The following ANKDD1A variants were observed in gnomAD, a reference collection of about 807,000 sequenced individuals.
The protein encoded by ANKDD1A is ankyrin repeat and death domain-containing protein 1A.
ANKDD1A carries 59 observed loss-of-function variants against 63.5 expected under a neutral mutation model. The observed-to-expected ratio is 0.93, with a 90% CI of 0.75 to 1.15. The LOEUF is 1.15. Ranked by LOEUF, ANKDD1A falls within the 50% of genes most tolerant of loss-of-function variation. The pLI is 0.00. For missense variants in ANKDD1A, 632 were observed against 656.4 expected (o/e 0.96, Z 0.41); for synonymous variants, 266 against 263.9 (o/e 1.01, Z -0.08).
At chr15:64,918,007 A>G (rs934220432) in intron 3 of ANKDD1A, among the ~76,000 whole-genome samples, 4 of 152,262 alleles carry the variant, frequency 2.6e-5, no homozygotes, top group Non-Finnish European at 5.9e-5. Flanking sequence ...AGGTTTGGGA[A>G]AAAGGCTGAA....
rs187805052 is a variant in ANKDD1A at position 64,920,853 on chromosome 15, A to G, written c.268-1068A>G. 1.9e-3 allele frequency among the ~76,000 whole-genome samples: 296 copies of G among 151,900 alleles called. 3 individuals carry two copies. Among genetic ancestry groups the G allele is most frequent in the African/African-American group, 6.7e-3 (278 of 41,390 alleles). ...GCATGAGCCACCATTCCCAGCCTCT[A>G]TGGGAGATTTAAACAGTCCATTCTT... On this transcript the variant is annotated intron_variant, in intron 3 of 14. Transcript: ENST00000319580.
chr15:64,938,069 G>A (rs1268109311), intron 9 of ANKDD1A, among the ~76,000 whole-genome samples: 1 of 152,052 alleles, frequency 6.6e-6, no homozygotes, highest in African/African-American at 2.4e-5. Context: ...AAGTAGTATT[G>A]GATTGTAATC....
rs1464597468 is a variant in ANKDD1A, at chr15:64,927,000, G to A, written c.570+1G>A. ...CTGTGACCACAATGTCAAAGACAAG[G>A]TACCGTGTCCGTGAGGCTCTGGGAT... On this transcript the variant is annotated splice_donor_variant, in intron 6 of 14. Coordinates refer to ENST00000319580, the MANE Select transcript of ANKDD1A (RefSeq NM_182703.6). LOFTEE classifies it high-confidence loss of function. 2.5e-6 allele frequency: 4 copies of A among 1,614,138 alleles called. No homozygotes were observed. The highest frequency in any genetic ancestry group is 2.5e-6 in the Non-Finnish European group (3 of 1,179,984).
intron 2 of ANKDD1A, 24 bp from the exon 3 acceptor site, chr15:64,917,362 C>T (rs773892419): frequency 6.3e-7 from 1 of 1,587,068 alleles, no homozygotes; most frequent in Non-Finnish European, 8.6e-7. Context: ...CAGCACCTGA[C>T]AAGTGTCATC....
chr15:64,918,301 G>A (rs2084984708), intron 3 of ANKDD1A, among the ~76,000 whole-genome samples: 2 of 152,294 alleles, frequency 1.3e-5, no homozygotes, highest in South Asian at 4.2e-4. Context: ...TCCCTGCAGC[G>A]ACTTAGTTGT....
intron 14 of ANKDD1A, among the ~76,000 whole-genome samples, chr15:64,954,852 T>C (rs1487348361): frequency 2.3e-4 from 19 of 84,132 alleles, no homozygotes; most frequent in African/African-American, 7.0e-4. Flanking sequence ...TCTTCCTTCT[T>C]CTTCTTTCTT....
chr15:64,955,891 A>G (rs1219181416), intron 14 of ANKDD1A, among the ~76,000 whole-genome samples: 1 of 152,236 alleles, frequency 6.6e-6, no homozygotes, highest in Non-Finnish European at 1.5e-5. Flanking sequence ...TTTCCTACAT[A>G]TAAACCTGTA....
At position 64,958,242 on chromosome 15, in the gene ANKDD1A, G is replaced by A. The variant is rs1566920482; in HGVS notation, c.*1054G>A. ...GTTCTGTATGACACTGTGATGGTGG[G>A]TACATGACATTGGGCATTGGTCAAA... On this transcript the variant is annotated 3_prime_UTR_variant, in exon 15 of 15. Coordinates refer to ENST00000319580, the MANE Select transcript of ANKDD1A (RefSeq NM_182703.6). 3 of 152,338 alleles carry A rather than the reference G, an allele frequency of 2.0e-5. No individual in the cohort carries two copies. Among genetic ancestry groups the A allele is most frequent in the East Asian group, 3.8e-4 (2 of 5,196 alleles). The allele number at this position is 152,338 out of a possible 1,614,324, so 9.4% of individuals were successfully genotyped here.
At chr15:64,919,285 T>C (rs868524661) in intron 3 of ANKDD1A, among the ~76,000 whole-genome samples, 1 of 152,166 alleles carries the variant, frequency 6.6e-6, no homozygotes, top group Non-Finnish European at 1.5e-5. Flanking sequence ...TGTGGACTCC[T>C]TCCTCTGGAC....
At chr15:64,953,086 CCTT>C (rs1275480173) in intron 14 of ANKDD1A, among the ~76,000 whole-genome samples, 1 of 142,322 alleles carries the variant, frequency 7.0e-6, no homozygotes, top group Non-Finnish European at 1.5e-5. Context: ...TCTTCTTCTT[CCTT>C]CTTATACTTT....
chr15:64,916,403 T>C (rs2084968896), intron 2 of ANKDD1A, among the ~76,000 whole-genome samples: 2 of 151,666 alleles, frequency 1.3e-5, no homozygotes, highest in Admixed American at 1.3e-4. Context: ...CAGCTCACTG[T>C]AGCCTTGACC....
intron 14 of ANKDD1A, chr15:64,950,879 G>A (rs915487674): frequency 1.9e-5 from 22 of 1,179,110 alleles, no homozygotes; most frequent in Non-Finnish European, 2.4e-5. Context: ...ACTGTGGCAT[G>A]CAATTAAAAC....
chr15:64,929,948 C>T (rs935847668), intron 6 of ANKDD1A, among the ~76,000 whole-genome samples: 1 of 152,150 alleles, frequency 6.6e-6, no homozygotes, highest in African/African-American at 2.4e-5. Context: ...TTTGCAGGGA[C>T]ATGGATGAAG....
intron 14 of ANKDD1A, among the ~76,000 whole-genome samples, chr15:64,952,121 TC>T (rs2085299023): frequency 0.048 from 6,972 of 145,756 alleles, 568 homozygotes; most frequent in African/African-American, 0.17. Context: ...TCTTCTTTCT[TC>T]TCTTTCTTCT....
intron 14 of ANKDD1A, among the ~76,000 whole-genome samples, chr15:64,954,110 CCT>C: frequency 7.8e-6 from 1 of 128,706 alleles, no homozygotes; most frequent in African/African-American, 2.7e-5. Context: ...TTTTCTTCTT[CCT>C]TTCTTTTCTC....
intron 14 of ANKDD1A, chr15:64,951,308 T>TTCTCTTCTTCTTCTTTTCTTC (rs1382413263): frequency 1.3e-6 from 1 of 796,508 alleles, no homozygotes; most frequent in Non-Finnish European, 1.5e-6. Flanking sequence ...TCTTCTTCTC[T>TTCTCTTCTTCTTCTTTTCTTC]TCTTCTTCTT....
intron 11 of ANKDD1A, 47 bp downstream of exon 11, chr15:64,943,629 C>T: frequency 1.3e-6 from 2 of 1,579,914 alleles, no homozygotes; most frequent in Admixed American, 1.7e-5. Flanking sequence ...CATGGCTCCC[C>T]CCTTGCCAGA....
At chr15:64,951,331 T>TTC (rs2085269945) in intron 14 of ANKDD1A, 1 of 176,976 alleles carries the variant, frequency 5.7e-6, no homozygotes, top group African/African-American at 4.7e-5. Flanking sequence ...TTCTTTCCTC[T>TTC]TTTTCTTTCT....
intron 9 of ANKDD1A, among the ~76,000 whole-genome samples, chr15:64,936,058 A>G (rs969546637): frequency 6.6e-6 from 1 of 152,184 alleles, no homozygotes; most frequent in African/African-American, 2.4e-5. Flanking sequence ...AAGTACTATT[A>G]TTATTATTCC....
Sources: allele counts gnomAD v4.1 joint callset (sites outside exome capture counted in the v4.1 genomes callset), GRCh38; gene constraint gnomAD v4.1.1; transcripts MANE v1.5; gene names NCBI Gene and HGNC (gene_info 2026-07-23, HGNC 2026-07-21).